Variants in SLC12A7 observed in about 807,000 individuals in gnomAD.
The protein encoded by SLC12A7 is K-Cl cotransporter 4.
SLC12A7 carries 100 observed loss-of-function variants against 120.6 expected under a neutral mutation model. The ratio of observed to expected loss-of-function variants is 0.83; its 90% confidence interval spans 0.71 to 0.98. The LOEUF (loss-of-function observed/expected upper bound fraction) is 0.98. SLC12A7 is among the 50% of genes least tolerant of loss of function. The probability of loss-of-function intolerance (pLI) is 0.00; values close to 1 mark genes in which losing one functional copy is unlikely to be tolerated. For synonymous variants in SLC12A7, 760 were observed against 678.0 expected, an observed-to-expected ratio of 1.12 and a Z score of -1.88; for missense variants, 1,373 against 1,548.1, an observed-to-expected ratio of 0.89 and a Z score of 1.90.
At chr5:1,151,188 A>G in the SLC12A7 span, among the ~76,000 whole-genome samples, 1 of 152,224 alleles carries the variant, frequency 6.6e-6, no homozygotes, top group East Asian at 1.9e-4. The surrounding 1 kb of genome is among the most constrained non-coding windows in gnomAD (Gnocchi z 6.2). Flanking sequence ...GCCTTCTACC[A>G]TGAGCGTTGC....
chr5:1,062,147 G>A (rs754276062), intron 20 of SLC12A7, among the ~76,000 whole-genome samples: 8 of 152,168 alleles, frequency 5.3e-5, no homozygotes, highest in Non-Finnish European at 1.2e-4. Context: ...GAGCTGGGGA[G>A]CTGCTTCTGG....
Position 1,112,038 on chromosome 5 carries a change from G to A in SLC12A7, c.-47C>T, listed in dbSNP as rs771176387. 48 of 1,216,122 alleles carry A rather than the reference G, an allele frequency of 3.9e-5. No individual in the cohort carries two copies. The highest frequency in any genetic ancestry group is 3.2e-4 in the Middle Eastern group (1 of 3,094). 75.3% of individuals were successfully genotyped at this position (1,216,122 alleles called of 1,614,324 possible). On this transcript the variant is annotated 5_prime_UTR_variant, in exon 1 of 24. Transcript: ENST00000264930. ...CCCGTCCCGGCCCGGCCCGCGCTGC[G>A]CCGCTCCCGCCGACGCCACGGGACT...
intron 5 of SLC12A7, among the ~76,000 whole-genome samples, chr5:1,087,721 A>C (rs953707025): frequency 1.3e-5 from 2 of 152,222 alleles, no homozygotes; most frequent in Non-Finnish European, 2.9e-5. Context: ...AGCCGTTAAC[A>C]CGCGCAGCAC....
chr5:1,089,062 G>A lies in SLC12A7; in HGVS notation c.409C>T (p.Leu137Phe), dbSNP rs778404749. The part of the protein sequence containing the change: ...PCLQNILGVI[L>F]FLRLTWIVGV... The stretch of plus-strand genomic sequence containing the variant: ...ACGATCCACGTCAGGCGCAGGAAGA[G>A]GATGACGCCCAGGATGTTCTGCAGG... Residue 137 changes from leucine (L) to phenylalanine (F), a missense_variant, in exon 4 of 24, where the codon CTC (leucine) becomes TTC (phenylalanine). Transcript: ENST00000264930. 1.2e-6 allele frequency: 2 copies of A among 1,613,062 alleles called. No individual in the cohort carries two copies. Among genetic ancestry groups the A allele is most frequent in the East Asian group, 2.2e-5 (1 of 44,884 alleles).
At chr5:1,101,827 C>T (rs574735488) in intron 1 of SLC12A7, among the ~76,000 whole-genome samples, 2 of 150,894 alleles carry the variant, frequency 1.3e-5, no homozygotes, top group South Asian at 4.3e-4. Flanking sequence ...CCTCCGGAGC[C>T]GCTTTGCTGA....
Position 1,106,451 on chromosome 5 carries a change from CAAAAAAAAA to C in SLC12A7, c.124+5408_124+5416del, listed in dbSNP as rs36005053. On this transcript the variant is annotated intron_variant, in intron 1 of 23. Transcript: ENST00000264930. ...CTGGGTGACAGAGTGAACTCTGTCT[CAAAAAAAAA>C]AAAAAAAAAAAAAAGAAAATTCATA... 4.0e-3 allele frequency among the ~76,000 whole-genome samples: 331 copies of C among 81,826 alleles called. 1 individual carries two copies. Among genetic ancestry groups the C allele is most frequent in the African/African-American group, 0.015 (295 of 19,916 alleles). 53.7% of individuals were successfully genotyped at this position (81,826 alleles called of 152,430 possible).
At chr5:1,094,124 G>C in intron 2 of SLC12A7, 30 bp downstream of exon 2, 1 of 1,568,618 alleles carries the variant, frequency 6.4e-7, no homozygotes, top group Non-Finnish European at 8.8e-7. Context: ...AACGGCCCTG[G>C]CACCTTCTTC....
intron 9 of SLC12A7, 62 bp from the exon 10 acceptor site, chr5:1,079,558 C>A: frequency 1.5e-6 from 2 of 1,353,038 alleles, no homozygotes; most frequent in South Asian, 2.3e-5. Flanking sequence ...TGATGGCAGC[C>A]CCTGCCCAGA....
At chr5:1,065,166 GAC>G (rs1736887017) in intron 18 of SLC12A7, 115 bp downstream of exon 18, 1 of 814,602 alleles carries the variant, frequency 1.2e-6, no homozygotes, top group African/African-American at 1.8e-5. Context: ...ACGAAAAGGG[GAC>G]AGTGAGAGGA....
At chr5:1,087,983 G>A (rs2150867182) in intron 5 of SLC12A7, among the ~76,000 whole-genome samples, 1 of 152,298 alleles carries the variant, frequency 6.6e-6, no homozygotes, top group Middle Eastern at 3.4e-3. Flanking sequence ...CAGGTTCCAA[G>A]AACTCAGCCT....
At chr5:1,075,948 GGCTTA>G (rs2150832452) in intron 14 of SLC12A7, 185 bp downstream of exon 14, 2 of 583,244 alleles carry the variant, frequency 3.4e-6, no homozygotes, top group East Asian at 5.6e-5. Context: ...GCTGCGCAGG[GGCTTA>G]CTCCGCAAAG....
chr5:1,085,216 A>G lies in SLC12A7; in HGVS notation c.917+16T>C, dbSNP rs1739687527. On this transcript the variant is annotated intron_variant, in intron 7 of 23. Transcript: ENST00000264930. Reference sequence around the variant, plus strand: ...AGCCCCACACCCACCCACGGCTCAGAGGCCCCGAGACTCACGGGATGTCCG... The same window carrying G: ...AGCCCCACACCCACCCACGGCTCAGGGGCCCCGAGACTCACGGGATGTCCG... 1 of 1,610,330 alleles carries G rather than the reference A, an allele frequency of 6.2e-7. No individual in the cohort carries two copies.
chr5:1,155,704 GA>G, the SLC12A7 span, among the ~76,000 whole-genome samples: 1 of 151,068 alleles, frequency 6.6e-6, no homozygotes, highest in Non-Finnish European at 1.5e-5. Flanking sequence ...CAGTAGAGCA[GA>G]ATGGGAAGCG....
At chr5:1,141,237 C>T in the SLC12A7 span, among the ~76,000 whole-genome samples, 5 of 152,210 alleles carry the variant, frequency 3.3e-5, no homozygotes, top group East Asian at 9.6e-4. Flanking sequence ...TCCAAATTCC[C>T]CCTTTTAATA....
In SLC12A7 at chr5:1,077,984, T is replaced by C; in HGVS notation, c.1478A>G (p.Asn493Ser). The C allele has an allele frequency of 6.3e-7, 1 of 1,584,022 alleles. No individual in the cohort carries two copies. Among genetic ancestry groups the C allele is most frequent in the Non-Finnish European group, 8.6e-7 (1 of 1,166,082 alleles). The part of the protein sequence containing the change: ...RDKFGEALQG[N>S]LVIGMLAWPS... Reference sequence around the variant, plus strand: ...CCAGGCCAGCATGCCGATGACCAGGTTCCCCTGCAGGGCCTCCCCGAACCT... The same window carrying C: ...CCAGGCCAGCATGCCGATGACCAGGCTCCCCTGCAGGGCCTCCCCGAACCT... Residue 493 changes from asparagine (N) to serine (S), a missense_variant, in exon 12 of 24, where the codon AAC becomes AGC. Transcript: ENST00000264930.
upstream of SLC12A7, among the ~76,000 whole-genome samples, chr5:1,113,764 C>G (rs1743201527): frequency 6.6e-6 from 1 of 152,314 alleles, no homozygotes; most frequent in Non-Finnish European, 1.5e-5. Context: ...GGGGTGGGAA[C>G]AGAAGTGCCC....
At chr5:1,135,631 G>T in the SLC12A7 span, among the ~76,000 whole-genome samples, 2 of 152,248 alleles carry the variant, frequency 1.3e-5, no homozygotes, top group Non-Finnish European at 2.9e-5. Flanking sequence ...ATTTCTGTAA[G>T]TGTGAACATG....
In SLC12A7 at chr5:1,099,810, C is replaced by T. The variant is rs1276677620; in HGVS notation, c.125-5562G>A. ...CCCCAAAACCAAGTGCAGCAAAACT[C>T]GGGACACCTTAAAACCAGCGATAGG... On this transcript the variant is annotated intron_variant, in intron 1 of 23. Coordinates refer to ENST00000264930, the MANE Select transcript of SLC12A7 (RefSeq NM_006598.3). 2.6e-5 allele frequency among the ~76,000 whole-genome samples: 4 copies of T among 152,278 alleles called. No individual in the cohort carries two copies. The East Asian group carries it at 7.7e-4, about 29-fold the overall frequency.
intron 21 of SLC12A7, among the ~76,000 whole-genome samples, chr5:1,059,653 G>A (rs4308515): frequency 0.88 from 133,371 of 152,074 alleles, 59,320 homozygotes; most frequent in East Asian, 0.96. Flanking sequence ...TATAACTCAG[G>A]TGGATACACC....
Sources: gnomAD v4.1 joint callset for allele counts (sites outside exome capture counted in the v4.1 genomes callset) on GRCh38, gnomAD v4.1.1 for gene constraint, Gnocchi (gnomAD v3.1) non-coding constraint, MANE v1.5 for transcripts, NCBI Gene and HGNC (gene_info 2026-07-23, HGNC 2026-07-21) for gene names.